The following RAB27A variants were observed in gnomAD, a reference collection of about 807,000 sequenced individuals.
RAB27A encodes RAB27A, member RAS oncogene family.
RAB27A carries 17 observed loss-of-function variants against 20.8 expected under a neutral mutation model. The observed-to-expected ratio is 0.82, with a 90% confidence interval of 0.56 to 1.23. The LOEUF (loss-of-function observed/expected upper bound fraction) is 1.23. Ranked by LOEUF, RAB27A falls within the 50% of genes most tolerant of loss-of-function variation. The pLI, the probability that RAB27A is intolerant of heterozygous loss-of-function variation, is 0.00. For missense variants in RAB27A, 277 were observed against 266.7 expected (o/e 1.04, Z -0.27); for synonymous variants, 85 against 92.8 (o/e 0.92, Z 0.48).
intron 6 of RAB27A, among the ~76,000 whole-genome samples, chr15:55,219,644 T>C (rs1000857278): frequency 6.6e-6 from 1 of 152,242 alleles, no homozygotes; most frequent in Non-Finnish European, 1.5e-5. Flanking sequence ...AGAGGAATGT[T>C]GCCAATATTT....
chr15:55,219,138 G>A (rs1422453017), intron 6 of RAB27A, among the ~76,000 whole-genome samples: 2 of 152,116 alleles, frequency 1.3e-5, no homozygotes, highest in Non-Finnish European at 2.9e-5. Context: ...ATAAAGTATG[G>A]ACAGACATTT....
chr15:55,228,478 C>G (rs187767603), intron 5 of RAB27A, 131 bp downstream of exon 5: 1 of 742,266 alleles, frequency 1.3e-6, no homozygotes, highest in Admixed American at 2.3e-5. Context: ...AACTAAAAAC[C>G]TTGCTCCTTA....
At chr15:55,232,193 G>T (rs1034349473) in intron 3 of RAB27A, among the ~76,000 whole-genome samples, 3 of 152,124 alleles carry the variant, frequency 2.0e-5, no homozygotes, top group Non-Finnish European at 4.4e-5. Context: ...TTAGTTCAAG[G>T]AATTTAATAA....
At chr15:55,241,996 T>G (rs1475738379) in intron 2 of RAB27A, among the ~76,000 whole-genome samples, 1 of 152,100 alleles carries the variant, frequency 6.6e-6, no homozygotes, top group African/African-American at 2.4e-5. Context: ...TCTCCCTCTC[T>G]CTCTCTCTGC....
chr15:55,209,996 A>G lies in RAB27A; in HGVS notation c.468-4291T>C, dbSNP rs1174686278. ...TGTGTACATGTACATATATACGCAT[A>G]TATGTGTGTACATGTACATATATAC... On this transcript the variant is annotated intron_variant, in intron 6 of 6. Coordinates refer to ENST00000336787, the MANE Select transcript of RAB27A (RefSeq NM_183235.3). Among the ~76,000 whole-genome samples the G allele has an allele frequency of 2.7e-5, 3 of 112,118 alleles. 1 individual carries two copies. The East Asian group carries it at 8.1e-4, about 30-fold the overall frequency. The allele number at this position is 112,118 out of a possible 152,430, so 73.6% of individuals were successfully genotyped here.
At chr15:55,266,071 A>G (rs1292246719) in intron 2 of RAB27A, among the ~76,000 whole-genome samples, 1 of 152,220 alleles carries the variant, frequency 6.6e-6, no homozygotes, top group Non-Finnish European at 1.5e-5. Flanking sequence ...GTGTCTCCCC[A>G]AAATTTGTAT....
At chr15:55,313,675 A>G (rs1293255783) in intron 2 of RAB27A, among the ~76,000 whole-genome samples, 1 of 152,188 alleles carries the variant, frequency 6.6e-6, no homozygotes, top group Non-Finnish European at 1.5e-5. Context: ...GGAGTTGAAG[A>G]GCAGCCTGGC....
intron 5 of RAB27A, among the ~76,000 whole-genome samples, chr15:55,226,234 C>T (rs1159230279): frequency 1.3e-5 from 2 of 152,140 alleles, no homozygotes; most frequent in Non-Finnish European, 2.9e-5. Context: ...ACAGTGACTA[C>T]CACACTACCA....
At chr15:55,280,160 T>C (rs1299310472) in intron 1 of RAB27A, among the ~76,000 whole-genome samples, 1 of 152,194 alleles carries the variant, frequency 6.6e-6, no homozygotes, top group Admixed American at 6.5e-5. Flanking sequence ...AGAAAAAAAC[T>C]AAGAAACCAA....
intron 1 of RAB27A, among the ~76,000 whole-genome samples, chr15:55,271,488 G>A (rs1897703845): frequency 6.6e-6 from 1 of 152,238 alleles, no homozygotes; most frequent in African/African-American, 2.4e-5. Flanking sequence ...AGCTGCTGCT[G>A]TAAATCCACC....
rs1259574988 is a variant in RAB27A at position 55,306,372 on chromosome 15, T to C, written c.-112+7667A>G. Among the ~76,000 whole-genome samples, 3 of 152,126 alleles carry C rather than the reference T, an allele frequency of 2.0e-5. 1 individual carries two copies. The highest frequency in any genetic ancestry group is 7.2e-5 in the African/African-American group (3 of 41,492). On this transcript the variant is annotated intron_variant, in intron 2 of 5. Transcript: ENST00000563262. ...GAGACCTCATGAAACCCAGTGAGGGTGGTATTAAATAGGCTTACCAGGCGA... is the reference window on the plus strand; with the variant it reads ...GAGACCTCATGAAACCCAGTGAGGGCGGTATTAAATAGGCTTACCAGGCGA...
chr15:55,223,525 A>T (rs573031457), intron 6 of RAB27A, among the ~76,000 whole-genome samples: 101 of 152,060 alleles, frequency 6.6e-4, no homozygotes, highest in African/African-American at 2.1e-3. Context: ...AAAAAAGAAA[A>T]GAAATGAAAA....
At chr15:55,310,333 C>T (rs1420311960) in intron 2 of RAB27A, among the ~76,000 whole-genome samples, 2 of 152,114 alleles carry the variant, frequency 1.3e-5, no homozygotes, top group African/African-American at 4.8e-5. Flanking sequence ...TGGTCAAGCA[C>T]ACCTGGGGCT....
chr15:55,317,555 C>T (rs1251706774), intron 1 of RAB27A: 6 of 372,474 alleles, frequency 1.6e-5, no homozygotes, highest in Admixed American at 4.6e-5. Context: ...CCACCTGATC[C>T]ACCCGCCTCG....
At chr15:55,261,395 T>C (rs1897262255) in intron 2 of RAB27A, among the ~76,000 whole-genome samples, 1 of 150,692 alleles carries the variant, frequency 6.6e-6, no homozygotes, top group Non-Finnish European at 1.5e-5. Context: ...AGACTCTGTC[T>C]CAAAAAAAAA....
intron 5 of RAB27A, among the ~76,000 whole-genome samples, chr15:55,225,526 G>A (rs1324769261): frequency 6.6e-6 from 1 of 152,150 alleles, no homozygotes; most frequent in Non-Finnish European, 1.5e-5. Context: ...CAGGAATGCT[G>A]GAAATGGGGC....
intron 2 of RAB27A, among the ~76,000 whole-genome samples, chr15:55,242,897 A>G (rs543861221): frequency 6.6e-6 from 1 of 152,216 alleles, no homozygotes; most frequent in Non-Finnish European, 1.5e-5. Flanking sequence ...CATGTCTCCT[A>G]AATTCTAGTC....
intron 2 of RAB27A, among the ~76,000 whole-genome samples, chr15:55,244,482 T>C (rs888698127): frequency 1.3e-5 from 2 of 151,922 alleles, no homozygotes; most frequent in African/African-American, 4.8e-5. Context: ...CAGCTTTTTG[T>C]TGTTGTTGTT....
At chr15:55,259,254 A>C (rs1476626289) in intron 2 of RAB27A, among the ~76,000 whole-genome samples, 1 of 151,538 alleles carries the variant, frequency 6.6e-6, no homozygotes, top group African/African-American at 2.4e-5. Flanking sequence ...AAATAGTCAA[A>C]TTTATTCTTT....
Sources: allele counts gnomAD v4.1 joint callset (sites outside exome capture counted in the v4.1 genomes callset), GRCh38; gene constraint gnomAD v4.1.1; transcripts MANE v1.5; gene names NCBI Gene and HGNC (gene_info 2026-07-23, HGNC 2026-07-21).